USP22: variants seen among roughly 807,000 people sequenced by gnomAD.
The protein encoded by USP22 is ubiquitin specific peptidase 22.
USP22 carries 22 observed loss-of-function variants against 68.1 expected under a neutral mutation model. The observed-to-expected ratio is 0.32, with a 90% CI of 0.23 to 0.46. The LOEUF is 0.46. Ranked by LOEUF, USP22 falls within the 20% of genes least tolerant of loss-of-function variation. USP22 has a pLI of 1.00. For synonymous variants in USP22, 279 were observed against 274.2 expected, an observed-to-expected ratio of 1.02 and a Z score of -0.17; for missense variants, 433 against 695.8, an observed-to-expected ratio of 0.62 and a Z score of 4.25.
rs1913529190 is a variant in USP22, at chr17:21,000,564, G to A, written c.*2467C>T. On this transcript the variant is annotated 3_prime_UTR_variant, in exon 13 of 13. Transcript: ENST00000261497. ...CCTGAATGCAAGTGGAGACAGGAAG[G>A]GGACTAGGGGTTGGCCGGCGGGAGG... 6.6e-6 allele frequency: 1 copy of A among 152,264 alleles called. No homozygotes were observed. Among genetic ancestry groups the A allele is most frequent in the African/African-American group, 2.4e-5 (1 of 41,452 alleles). The allele number at this position is 152,264 out of a possible 1,614,324, so 9.4% of individuals were successfully genotyped here.
At chr17:21,018,343 A>G in intron 4 of USP22, 1 of 424,580 alleles carries the variant, frequency 2.4e-6, no homozygotes, top group Non-Finnish European at 4.2e-6. Flanking sequence ...GTATGCTTTG[A>G]CAGAATTACA....
intron 1 of USP22, among the ~76,000 whole-genome samples, chr17:21,034,181 A>G (rs539175848): frequency 1.3e-5 from 2 of 152,292 alleles, no homozygotes; most frequent in South Asian, 2.1e-4. Context: ...AGGCCCCTCA[A>G]TCTCGGAGCC....
chr17:21,022,590 G>A (rs1972170026), intron 2 of USP22, among the ~76,000 whole-genome samples: 1 of 152,096 alleles, frequency 6.6e-6, no homozygotes, highest in South Asian at 2.1e-4. Flanking sequence ...ACGAGGTCAG[G>A]AGATTGAGAC....
chr17:21,033,741 G>A (rs1483878393), intron 1 of USP22, among the ~76,000 whole-genome samples: 2 of 147,652 alleles, frequency 1.4e-5, no homozygotes, highest in African/African-American at 2.6e-5. Context: ...CATAAGTGAA[G>A]GGACAGGTAT....
At chr17:21,027,292 C>T (rs1465068049) in intron 2 of USP22, among the ~76,000 whole-genome samples, 2 of 72,280 alleles carry the variant, frequency 2.8e-5, no homozygotes, top group South Asian at 8.1e-4. Context: ...ACCCTGTCTC[C>T]AAAAAAAAAA....
At chr17:21,018,299 T>C (rs1221610607) in intron 4 of USP22, 188 bp from the exon 5 acceptor site, 2 of 541,520 alleles carry the variant, frequency 3.7e-6, no homozygotes, top group African/African-American at 2.0e-5. Flanking sequence ...TTGAAGAATG[T>C]CCACCACCAT....
At chr17:21,005,137 T>A (rs1406244372) in intron 10 of USP22, 147 bp from the exon 11 acceptor site, 1 of 923,180 alleles carries the variant, frequency 1.1e-6, no homozygotes, top group African/African-American at 1.7e-5. Context: ...AATCTCCCCA[T>A]GTTTCGTGAG....
intron 2 of USP22, among the ~76,000 whole-genome samples, chr17:21,026,487 C>T (rs970768335): frequency 3.9e-5 from 6 of 151,960 alleles, no homozygotes; most frequent in Non-Finnish European, 8.8e-5. Context: ...CCACGCCCTG[C>T]TAATTTTTAA....
intron 5 of USP22, among the ~76,000 whole-genome samples, chr17:21,016,129 T>C (rs1009763718): frequency 6.6e-6 from 1 of 152,136 alleles, no homozygotes; most frequent in Non-Finnish European, 1.5e-5. Flanking sequence ...GTTTTCCACA[T>C]ATAAGCCTAA....
At position 21,002,290 on chromosome 17, in the gene USP22, A is replaced by T. The variant is rs891377866; in HGVS notation, c.*741T>A. 1.3e-5 allele frequency: 2 copies of T among 152,250 alleles called. No individual in the cohort carries two copies. The highest frequency in any genetic ancestry group is 4.8e-5 in the African/African-American group (2 of 41,460). The allele number at this position is 152,250 out of a possible 1,614,324, so 9.4% of individuals were successfully genotyped here. ...CGCTCTTGAGACTAAAGGAGAAGTT[A>T]CCTAAATTTCTGTATAAACTCAGTA... On this transcript the variant is annotated 3_prime_UTR_variant, in exon 13 of 13. Coordinates refer to ENST00000261497, the MANE Select transcript of USP22 (RefSeq NM_015276.2).
chr17:21,030,384 GTGTA>G (rs945403264), intron 1 of USP22, among the ~76,000 whole-genome samples: 411 of 57,742 alleles, frequency 7.1e-3, no homozygotes, highest in Middle Eastern at 0.024. Context: ...GTGTGTGTGT[GTGTA>G]TGTATGTATG....
At chr17:21,029,511 A>C (rs1972263301) in intron 1 of USP22, among the ~76,000 whole-genome samples, 1 of 152,254 alleles carries the variant, frequency 6.6e-6, no homozygotes, top group African/African-American at 2.4e-5. Flanking sequence ...CAAAAATACA[A>C]GATCTTCATT....
Position 21,006,937 on chromosome 17 carries a change from G to C in USP22, c.1281C>G (p.Ser427=). The change falls in exon 10 of 13, where the codon TCC becomes TCG. Residue 427 remains serine, a synonymous_variant. Transcript: ENST00000261497. ...GGGTCATGTCCAGCTCCAGGGGGAA[G>C]GACACATACGTGGTGATCTTCCGCC... ...KLRRKITTYV[S]FPLELDMTPF... is the part of the protein sequence containing the mutation. 6.2e-7 allele frequency: 1 copy of C among 1,609,886 alleles called. No individual in the cohort carries two copies. Among genetic ancestry groups the C allele is most frequent in the Non-Finnish European group, 8.5e-7 (1 of 1,177,898 alleles).
intron 1 of USP22, among the ~76,000 whole-genome samples, chr17:21,041,450 T>C (rs1488938564): frequency 6.6e-6 from 1 of 151,712 alleles, no homozygotes; most frequent in Non-Finnish European, 1.5e-5. Context: ...ATACAAAAAT[T>C]AGCCGGGCGT....
At chr17:21,026,572 C>T (rs997895945) in intron 2 of USP22, among the ~76,000 whole-genome samples, 13 of 152,036 alleles carry the variant, frequency 8.6e-5, no homozygotes, top group Non-Finnish European at 1.5e-4. Context: ...AATCTGCCAA[C>T]CTCAGCCTCC....
At chr17:21,021,321 TACTG>T in intron 2 of USP22, 95 bp from the exon 3 acceptor site, 3 of 789,456 alleles carry the variant, frequency 3.8e-6, no homozygotes, top group Non-Finnish European at 6.5e-6. Flanking sequence ...GTTCTGTAGA[TACTG>T]ACTGTTCACA....
chr17:21,016,247 A>G (rs1914128848), intron 5 of USP22, among the ~76,000 whole-genome samples: 1 of 152,214 alleles, frequency 6.6e-6, no homozygotes, highest in South Asian at 2.1e-4. Context: ...AGGCCCATGG[A>G]CACCAGCACC....
At chr17:21,009,198 A>AG (rs913489802) in intron 8 of USP22, among the ~76,000 whole-genome samples, 18 of 152,064 alleles carry the variant, frequency 1.2e-4, no homozygotes, top group African/African-American at 4.1e-4. Context: ...TGTCTGGCAC[A>AG]GGTGTCAGCT....
At position 21,004,786 on chromosome 17, in the gene USP22, GCCAA is replaced by G; in HGVS notation, c.1385+138_1385+141del. ...GCCTTTCCTAGTGGAGCTGCGGGCA[GCCAA>G]TAGTGGAGCTGCGGGCAGCCAAGCG... On this transcript the variant is annotated intron_variant, in intron 11 of 12. Transcript: ENST00000261497. 5.3e-4 allele frequency: 46 copies of G among 86,192 alleles called. 17 individuals are homozygous for G. Among genetic ancestry groups the G allele is most frequent in the South Asian group, 2.0e-3 (4 of 2,046 alleles). 5.3% of individuals were successfully genotyped at this position (86,192 alleles called of 1,614,324 possible). A position where few individuals can be genotyped will look rare whatever the true frequency, so the allele number is the denominator to read the frequency against.
Sources: allele counts gnomAD v4.1 joint callset (sites outside exome capture counted in the v4.1 genomes callset), GRCh38; gene constraint gnomAD v4.1.1; transcripts MANE v1.5; gene names NCBI Gene and HGNC (gene_info 2026-07-23, HGNC 2026-07-21).